Variants in CAD observed in about 807,000 individuals in gnomAD.
CAD encodes carbamoyl-phosphate synthetase 2, aspartate transcarbamylase, and dihydroorotase.
In CAD, 81 loss-of-function variants were observed where a neutral mutation model predicts 237.2. That is an observed-to-expected ratio of 0.34 (90% confidence interval 0.29 to 0.41). The LOEUF (loss-of-function observed/expected upper bound fraction) is 0.41. Among genes scored for constraint, CAD ranks in the 10% least tolerant of loss-of-function variants. The pLI is 1.00. For missense variants in CAD, 2,181 were observed against 2,951.7 expected, an observed-to-expected ratio of 0.74 and a Z score of 6.05; for synonymous variants, 1,196 against 1,162.8, an observed-to-expected ratio of 1.03 and a Z score of -0.58.
rs969026017 is a variant in CAD at position 27,241,480 on chromosome 2, G to C, written c.5883+84G>C. On this transcript the variant is annotated intron_variant, in intron 38 of 43. Coordinates refer to ENST00000264705, the MANE Select transcript of CAD (RefSeq NM_004341.5). This position sits in a 1 kb window ranked among gnomAD's most constrained non-coding sequence, Gnocchi z 4.6. Reference sequence around the variant, plus strand: ...CGCAGGGCCGCGCAGTGGTCAGAGTGGGTCTTCCTCCCCCTGCCATCCCGT... The same window carrying C: ...CGCAGGGCCGCGCAGTGGTCAGAGTCGGTCTTCCTCCCCCTGCCATCCCGT... The C allele has an allele frequency of 2.3e-6, 3 of 1,299,938 alleles. No homozygotes were observed. Among genetic ancestry groups the C allele is most frequent in the Non-Finnish European group, 3.3e-6 (3 of 899,156 alleles). The allele number at this position is 1,299,938 out of a possible 1,614,324, so 80.5% of individuals were successfully genotyped here.
rs2148050385 is a variant in CAD at position 27,217,629 on chromosome 2, A to G, written c.78A>G (p.Glu26=). 6.2e-7 allele frequency: 1 copy of G among 1,606,106 alleles called. No homozygotes were observed. The highest frequency in any genetic ancestry group is 8.5e-7 in the Non-Finnish European group (1 of 1,176,634). The part of the protein sequence containing the change: ...PFGAAVSTAG[E]VVFQTGMVGY... ...GGGCCGCCGTGTCGACTGCCGGGGA[A>G]GTGGGTAAGCAAGCCCGGTTAGGCT... Residue 26 remains glutamate, a synonymous_variant, in exon 1 of 44, where the codon GAA becomes GAG. Transcript: ENST00000264705.
rs557091528 is a variant in CAD at position 27,243,378 on chromosome 2, C to T, written c.6576-38C>T. On this transcript the variant is annotated intron_variant, in intron 43 of 43. Coordinates refer to ENST00000264705, the MANE Select transcript of CAD (RefSeq NM_004341.5). ...CTGGACAAGCCATCCATGGGCTGCA[C>T]GATAACACTTCCTTTTTTTTTTTTT... is the stretch of plus-strand genomic sequence containing the variant. 4.4e-5 allele frequency: 70 copies of T among 1,584,022 alleles called. No individual in the cohort carries two copies. The Middle Eastern group carries it at 4.7e-3, about 107-fold the overall frequency.
chr2:27,217,848 C>T (rs752146655), intron 1 of CAD, 29 bp from the exon 2 acceptor site: 2 of 1,566,614 alleles, frequency 1.3e-6, no homozygotes, highest in East Asian at 2.3e-5. Context: ...GGTGCCCTAC[C>T]GGAGCCCAGC....
chr2:27,224,360 C>T lies in CAD; in HGVS notation c.1124C>T (p.Thr375Ile), dbSNP rs760124228. 1 of 1,614,220 alleles carries T rather than the reference C, an allele frequency of 6.2e-7. No individual in the cohort carries two copies. Among genetic ancestry groups the T allele is most frequent in the Non-Finnish European group, 8.5e-7 (1 of 1,180,034 alleles). Residue 375 changes from threonine to isoleucine, a missense_variant, in exon 9 of 44, where the codon ACT (threonine) becomes ATT (isoleucine). Around this residue, in one of 12 missense-constraint regions of CAD, gnomAD observed 129 missense variants for 143.3 expected, o/e 0.90. Transcript: ENST00000264705. ...PGGQTVRERL[T>I]ERLCPPGIPT... is the part of the protein sequence containing the mutation. ...GCTTCCACAGTTAGAGAGCGGCTGA[C>T]TGAGCGCCTCTGTCCCCCTGGGATT...
Position 27,225,910 on chromosome 2 carries a change from A to G in CAD, c.1826A>G (p.Tyr609Cys), listed in dbSNP as rs1227612081. Residue 609 changes from tyrosine to cysteine, a missense_variant, in exon 12 of 44, where the codon TAT becomes TGT. Physicochemically the swap from Tyr to Cys is radical, Grantham distance 194 (BLOSUM62 -2). Coordinates refer to ENST00000264705, the MANE Select transcript of CAD (RefSeq NM_004341.5). ...EIEYEVVRDA[Y>C]GNCVTVCNME... ...GAGTACGAGGTGGTGAGAGACGCCT[A>G]TGGCAACTGTGTCACGGTGAGTGAA... The G allele has an allele frequency of 3.1e-6, 5 of 1,614,068 alleles. No homozygotes were observed. The highest frequency in any genetic ancestry group is 3.4e-6 in the Non-Finnish European group (4 of 1,179,880).
intron 3 of CAD, among the ~76,000 whole-genome samples, chr2:27,221,975 C>T (rs1328746733): frequency 2.0e-5 from 3 of 150,002 alleles, no homozygotes; most frequent in South Asian, 2.1e-4. Context: ...ATATTATTTT[C>T]TATAAATGGA....
chr2:27,237,628 G>T lies in CAD; in HGVS notation c.4563+83G>T, dbSNP rs1676079577. Reference sequence around the variant, plus strand: ...TGCTTCCCTGAGCCCTTTTCCTTCTGCCCCGCCCTATGGGCCCAGGCCACT... The same window carrying T: ...TGCTTCCCTGAGCCCTTTTCCTTCTTCCCCGCCCTATGGGCCCAGGCCACT... On this transcript the variant is annotated intron_variant, in intron 28 of 43. Coordinates refer to ENST00000264705, the MANE Select transcript of CAD (RefSeq NM_004341.5). This position sits in a 1 kb window ranked among gnomAD's most constrained non-coding sequence, Gnocchi z 4.0. 1 of 1,575,102 alleles carries T rather than the reference G, an allele frequency of 6.3e-7. No individual in the cohort carries two copies. The highest frequency in any genetic ancestry group is 2.2e-5 in the East Asian group (1 of 44,478).
Position 27,239,308 on chromosome 2 carries a change from C to T in CAD, c.5254-23C>T, listed in dbSNP as rs1307632816. On this transcript the variant is annotated intron_variant, in intron 32 of 43. Coordinates refer to ENST00000264705, the MANE Select transcript of CAD (RefSeq NM_004341.5). The surrounding 1 kb of genome is among the most constrained non-coding windows in gnomAD (Gnocchi z 4.0). ...TGTTCTCTGGGGATCCTTTCCCTAGCATAACCCATGTCCTCTGGGCAGGTG... is the reference window on the plus strand; with the variant it reads ...TGTTCTCTGGGGATCCTTTCCCTAGTATAACCCATGTCCTCTGGGCAGGTG... 3 of 1,608,104 alleles carry T rather than the reference C, an allele frequency of 1.9e-6. No individual in the cohort carries two copies. Among genetic ancestry groups the T allele is most frequent in the Non-Finnish European group, 2.6e-6 (3 of 1,175,332 alleles).
In CAD at chr2:27,238,551, C is replaced by T. The variant is rs774531248; in HGVS notation, c.4981C>T (p.Arg1661Trp). The T allele has an allele frequency of 5.0e-6, 8 of 1,614,080 alleles. No individual in the cohort carries two copies. The highest frequency in any genetic ancestry group is 1.3e-5 in the African/African-American group (1 of 75,062). Residue 1661 changes from arginine to tryptophan, a missense_variant, in exon 31 of 44, where the codon CGG (arginine) becomes TGG (tryptophan). Transcript: ENST00000264705. ...CCTGGGGCCTGGGAAGGGGGAGGTCCGGCCTGAGCTTGGCTCCCGCCAGGA... is the reference window on the plus strand; with the variant it reads ...CCTGGGGCCTGGGAAGGGGGAGGTCTGGCCTGAGCTTGGCTCCCGCCAGGA... ...ERLGPGKGEV[R>W]PELGSRQDVE... is the part of the protein sequence containing the mutation.
intron 9 of CAD, 80 bp downstream of exon 9, chr2:27,224,570 G>A: frequency 6.4e-7 from 1 of 1,569,934 alleles, no homozygotes; most frequent in Non-Finnish European, 8.7e-7. Context: ...GGCTAAGGTT[G>A]CAGGGAGGAA....
chr2:27,235,364 C>T lies in CAD; in HGVS notation c.3906C>T (p.Ala1302=). ...GESRCEAYLK[A]MLSTGFKIPK... The stretch of plus-strand genomic sequence containing the variant: ...GCCGCTGTGAGGCATACCTCAAGGC[C>T]ATGCTAAGCACTGGCTTTAAGATCC... Residue 1302 remains alanine, a synonymous_variant, in exon 24 of 44, where the codon GCC becomes GCT. Coordinates refer to ENST00000264705, the MANE Select transcript of CAD (RefSeq NM_004341.5). The surrounding 1 kb of genome is among the most constrained non-coding windows in gnomAD (Gnocchi z 5.2). 2.5e-6 allele frequency: 4 copies of T among 1,614,012 alleles called. No individual in the cohort carries two copies. Among genetic ancestry groups the T allele is most frequent in the Non-Finnish European group, 3.4e-6 (4 of 1,179,952 alleles).
In CAD at chr2:27,241,446, C is replaced by T. The variant is rs1235178385; in HGVS notation, c.5883+50C>T. 2.5e-6 allele frequency: 4 copies of T among 1,582,636 alleles called. No individual in the cohort carries two copies. Among genetic ancestry groups the T allele is most frequent in the Non-Finnish European group, 3.5e-6 (4 of 1,151,804 alleles). On this transcript the variant is annotated intron_variant, in intron 38 of 43. Coordinates refer to ENST00000264705, the MANE Select transcript of CAD (RefSeq NM_004341.5). This position sits in a 1 kb window ranked among gnomAD's most constrained non-coding sequence, Gnocchi z 4.6. ...GTCCAGGCCATCGCCTGCCCTTGGGCCGCATCAGCGCAGGGCCGCGCAGTG... is the reference window on the plus strand; with the variant it reads ...GTCCAGGCCATCGCCTGCCCTTGGGTCGCATCAGCGCAGGGCCGCGCAGTG...
In CAD at chr2:27,223,985, A is replaced by G. The variant is rs552009857; in HGVS notation, c.1064A>G (p.Glu355Gly). Residue 355 changes from glutamate to glycine, a missense_variant, in exon 8 of 44, where the codon GAA becomes GGA. By Grantham distance (98) the Glu-to-Gly change is moderately conservative. Transcript: ENST00000264705. ...GAACTGCTTTTCGATATCTTTCTGG[A>G]AACTGTGAAAGAGGCCACAGCTGGG... is the stretch of plus-strand genomic sequence containing the variant. ...DMELLFDIFL[E>G]TVKEATAGNP... 8.7e-6 allele frequency: 14 copies of G among 1,614,054 alleles called. No homozygotes were observed. In the South Asian group the frequency reaches 1.5e-4, roughly 18 times the overall value.
rs1338152747 is a variant in CAD, at chr2:27,241,558, C to T, written c.5883+162C>T. Among the ~76,000 whole-genome samples, 4 of 152,198 alleles carry T rather than the reference C, an allele frequency of 2.6e-5. No individual in the cohort carries two copies. Among genetic ancestry groups the T allele is most frequent in the Non-Finnish European group, 5.9e-5 (4 of 68,032 alleles). ...GCTGTAGATCTTCCCCCACGTTTTC[C>T]CTCCCCAAAGCAGGATTTAGCTGGC... is the stretch of plus-strand genomic sequence containing the variant. On this transcript the variant is annotated intron_variant, in intron 38 of 43. Coordinates refer to ENST00000264705, the MANE Select transcript of CAD (RefSeq NM_004341.5). The surrounding 1 kb of genome is among the most constrained non-coding windows in gnomAD (Gnocchi z 4.6).
At position 27,243,451 on chromosome 2, in the gene CAD, T is replaced by C; in HGVS notation, c.6611T>C (p.Phe2204Ser). ...GACTCGGATCCCCGCGCAGCCTACT[T>C]CCGCCAGGCTGAGAACGGCATGTAC... ...EVDSDPRAAY[F>S]RQAENGMYIR... Residue 2204 changes from phenylalanine (F) to serine (S), a missense_variant, in exon 44 of 44, where the codon TTC becomes TCC. By Grantham distance (155) the Phe-to-Ser change is radical. This residue lies in a region of CAD where 170 missense variants were observed against 212.1 expected (regional missense o/e 0.80). Transcript: ENST00000264705. 1.9e-6 allele frequency: 3 copies of C among 1,607,096 alleles called. No homozygotes were observed. Among genetic ancestry groups the C allele is most frequent in the Non-Finnish European group, 2.5e-6 (3 of 1,177,570 alleles).
chr2:27,225,100 G>T lies in CAD; in HGVS notation c.1477G>T (p.Val493Leu), dbSNP rs1411406053. ...TGGTGTGGAGCTGACCAAGGCCGGG[G>T]TGCTGGCTCGGTATGGGGTCCGGGT... The part of the protein sequence containing the change: ...NCGVELTKAG[V>L]LARYGVRVLG... The change falls in exon 11 of 44, where the codon GTG becomes TTG. Residue 493 changes from valine to leucine, a missense_variant. By Grantham distance (32) the Val-to-Leu change is conservative. Transcript: ENST00000264705. The T allele has an allele frequency of 2.5e-6, 4 of 1,614,068 alleles. No individual in the cohort carries two copies. Among genetic ancestry groups the T allele is most frequent in the African/African-American group, 1.3e-5 (1 of 74,902 alleles).
At position 27,233,590 on chromosome 2, in the gene CAD, T is replaced by G. The variant is rs1164368846; in HGVS notation, c.3217-36T>G. On this transcript the variant is annotated intron_variant, in intron 20 of 43. Transcript: ENST00000264705. The surrounding 1 kb of genome is among the most constrained non-coding windows in gnomAD (Gnocchi z 6.3). ...AGGCTGGATGATGCTTGGGGGAAAG[T>G]GTGAACAACTCAGCTAAGCTCCCTG... The G allele has an allele frequency of 6.2e-7, 1 of 1,613,640 alleles. No individual in the cohort carries two copies. The highest frequency in any genetic ancestry group is 1.3e-5 in the African/African-American group (1 of 74,906).
chr2:27,228,922 C>CTT (rs1183635798), intron 15 of CAD, among the ~76,000 whole-genome samples: 31 of 105,960 alleles, frequency 2.9e-4, no homozygotes, highest in South Asian at 7.1e-4. Flanking sequence ...TTTTTTTTTT[C>CTT]TTTTTTTTTT....
In CAD at chr2:27,233,525, A is replaced by G. The variant is rs1675865311; in HGVS notation, c.3205A>G (p.Ser1069Gly). Residue 1069 changes from serine (S) to glycine (G), a missense_variant, in exon 20 of 44, where the codon AGT (serine) becomes GGT (glycine). This residue lies in a region of CAD where 306 missense variants were observed against 607.9 expected (regional missense o/e 0.50). Coordinates refer to ENST00000264705, the MANE Select transcript of CAD (RefSeq NM_004341.5). This position sits in a 1 kb window ranked among gnomAD's most constrained non-coding sequence, Gnocchi z 6.3. ...GISQPQWREL[S>G]DLESARQFCQ... is the part of the protein sequence containing the mutation. Reference sequence around the variant, plus strand: ...CAGCCAGCCTCAGTGGAGGGAGCTCAGTGACCTCGAGGTGGGCTGGGACCT... The same window carrying G: ...CAGCCAGCCTCAGTGGAGGGAGCTCGGTGACCTCGAGGTGGGCTGGGACCT... 6.2e-7 allele frequency: 1 copy of G among 1,614,030 alleles called. No homozygotes were observed. Among genetic ancestry groups the G allele is most frequent in the Non-Finnish European group, 8.5e-7 (1 of 1,180,006 alleles).
Sources: allele counts gnomAD v4.1 joint callset (sites outside exome capture counted in the v4.1 genomes callset), GRCh38; gene constraint gnomAD v4.1.1; regional missense constraint gnomAD v4.1.1; non-coding constraint Gnocchi (gnomAD v3.1); transcripts MANE v1.5; gene names NCBI Gene and HGNC (gene_info 2026-07-23, HGNC 2026-07-21).